Variants in ST14 observed in about 807,000 individuals in gnomAD.
ST14 encodes ST14 transmembrane serine protease matriptase.
ST14 carries 40 observed loss-of-function variants against 96.5 expected under a neutral mutation model. The observed-to-expected ratio is 0.41, with a 90% CI of 0.32 to 0.54. The LOEUF is 0.54. Among genes scored for constraint, ST14 ranks in the 20% least tolerant of loss-of-function variants. The pLI, the probability that ST14 is intolerant of heterozygous loss-of-function variation, is 0.17. For synonymous variants in ST14, 506 were observed against 492.1 expected, an observed-to-expected ratio of 1.03 and a Z score of -0.37; for missense variants, 1,066 against 1,188.9, an observed-to-expected ratio of 0.90 and a Z score of 1.52.
chr11:130,194,880 ATGTGTG>A, intron 9 of ST14, 143 bp downstream of exon 9: 1 of 778,564 alleles, frequency 1.3e-6, no homozygotes, highest in Non-Finnish European at 2.1e-6. Context: ...GTGTGTGCGT[ATGTGTG>A]TGTGTGAGAC....
intron 1 of ST14, among the ~76,000 whole-genome samples, chr11:130,177,548 A>T (rs1192653323): frequency 1.6e-4 from 25 of 152,104 alleles, no homozygotes; most frequent in Non-Finnish European, 5.9e-5. Context: ...GGGCGACAAG[A>T]GCGAAACTCC....
At chr11:130,194,355 G>A (rs893721913) in intron 8 of ST14, 67 bp downstream of exon 8, 49 of 1,602,178 alleles carry the variant, frequency 3.1e-5, no homozygotes, top group Non-Finnish European at 4.1e-5. Context: ...CTTAGTGGGG[G>A]TGACCTGAGC....
In ST14 at chr11:130,194,719, C is replaced by A. The variant is rs763605984; in HGVS notation, c.1095C>A (p.Asp365Glu). ...YYPGHYPPNI[D>E]CTWNIEVPNN... Reference sequence around the variant, plus strand: ...CAGGCCACTACCCACCCAACATTGACTGCACATGGAACATTGAGGTAGGAG... The same window carrying A: ...CAGGCCACTACCCACCCAACATTGAATGCACATGGAACATTGAGGTAGGAG... The change falls in exon 9 of 19, where the codon GAC (aspartate) becomes GAA (glutamate). Residue 365 changes from aspartate (D) to glutamate (E), a missense_variant. By Grantham distance (45) the Asp-to-Glu change is conservative. Coordinates refer to ENST00000278742, the MANE Select transcript of ST14 (RefSeq NM_021978.4). 29 of 1,614,076 alleles carry A rather than the reference C, an allele frequency of 1.8e-5. No individual in the cohort carries two copies. The highest frequency in any genetic ancestry group is 2.3e-5 in the Non-Finnish European group (27 of 1,180,036).
chr11:130,203,638 A>G (rs76011799), intron 16 of ST14, among the ~76,000 whole-genome samples: 9,022 of 151,942 alleles, frequency 0.059, 334 homozygotes, highest in Middle Eastern at 0.095. Context: ...AGGGTTTCCT[A>G]AATGTGCCTT....
In ST14 at chr11:130,159,839, G is replaced by T. The variant is rs1952984678; in HGVS notation, c.-141G>T. 1 of 259,208 alleles carries T rather than the reference G, an allele frequency of 3.9e-6. No individual in the cohort carries two copies. The highest frequency in any genetic ancestry group is 7.0e-6 in the Non-Finnish European group (1 of 143,442). 16.1% of individuals were successfully genotyped at this position (259,208 alleles called of 1,614,324 possible). A position where few individuals can be genotyped will look rare whatever the true frequency, so the allele number is the denominator to read the frequency against. On this transcript the variant is annotated 5_prime_UTR_variant, in exon 1 of 19. Coordinates refer to ENST00000278742, the MANE Select transcript of ST14 (RefSeq NM_021978.4). The stretch of plus-strand genomic sequence containing the variant: ...AGAGGGAGAGAGAGCGCGCCAGGGC[G>T]AGGGCACCGCCGCCGGTCGGGCGCG...
intron 1 of ST14, among the ~76,000 whole-genome samples, chr11:130,180,885 G>A (rs572925289): frequency 2.8e-4 from 42 of 152,262 alleles, no homozygotes; most frequent in Middle Eastern, 3.4e-3. Context: ...TGCATCAGTT[G>A]CTCTAGTGTG....
Position 130,188,353 on chromosome 11 carries a change from C to A in ST14, c.241+80C>A, listed in dbSNP as rs974255900. 3 of 1,581,732 alleles carry A rather than the reference C, an allele frequency of 1.9e-6. No individual in the cohort carries two copies. The African/African-American group carries it at 4.0e-5, about 21-fold the overall frequency. Reference sequence around the variant, plus strand: ...TTCCCTCAGCGGACAGACCCAGGGCCACCTACTGAGTACACGAGGATCTCT... The same window carrying A: ...TTCCCTCAGCGGACAGACCCAGGGCAACCTACTGAGTACACGAGGATCTCT... On this transcript the variant is annotated intron_variant, in intron 2 of 18. Transcript: ENST00000278742. This position sits in a 1 kb window ranked among gnomAD's most constrained non-coding sequence, Gnocchi z 5.4.
intron 8 of ST14, 57 bp from the exon 9 acceptor site, chr11:130,194,583 G>T (rs1017264436): frequency 3.2e-6 from 5 of 1,565,626 alleles, no homozygotes; most frequent in Non-Finnish European, 4.4e-6. Flanking sequence ...GCCCTCGTCC[G>T]CCTGCTCGGC....
intron 1 of ST14, among the ~76,000 whole-genome samples, chr11:130,182,202 G>T (rs1252173912): frequency 6.6e-6 from 1 of 152,232 alleles, no homozygotes; most frequent in Non-Finnish European, 1.5e-5. Context: ...TGAGTCACAG[G>T]ACTGTCATGA....
At chr11:130,178,552 G>T (rs980185114) in intron 1 of ST14, among the ~76,000 whole-genome samples, 3 of 152,166 alleles carry the variant, frequency 2.0e-5, no homozygotes, top group Non-Finnish European at 4.4e-5. Context: ...GCAGAGAACC[G>T]CTGGGTTTCT....
rs531412139 is a variant in ST14 at position 130,209,564 on chromosome 11, G to T, written c.2392G>T (p.Val798Leu). ...MMCVGFLSGG[V>L]DSCQGDSGGP... ...GTGCGTGGGCTTCCTCAGCGGCGGC[G>T]TGGACTCCTGCCAGGTGGCCCCCGG... The change falls in exon 18 of 19, where the codon GTG (valine) becomes TTG (leucine). Residue 798 changes from valine (V) to leucine (L), a missense_variant. By Grantham distance (32) the Val-to-Leu change is conservative. Transcript: ENST00000278742. 3 of 1,575,594 alleles carry T rather than the reference G, an allele frequency of 1.9e-6. No homozygotes were observed. Among genetic ancestry groups the T allele is most frequent in the East Asian group, 2.3e-5 (1 of 42,666 alleles).
intron 16 of ST14, among the ~76,000 whole-genome samples, chr11:130,205,583 C>G (rs1425144622): frequency 2.6e-5 from 4 of 152,080 alleles, no homozygotes; most frequent in Non-Finnish European, 1.5e-5. Flanking sequence ...CGGCCTGTGT[C>G]TCCAAAAACA....
chr11:130,200,707 G>T (rs1331907679), intron 16 of ST14, among the ~76,000 whole-genome samples: 7 of 152,198 alleles, frequency 4.6e-5, no homozygotes, highest in Admixed American at 4.6e-4. Flanking sequence ...TGTATTCGGT[G>T]CCCACTTGCA....
At chr11:130,160,237 C>A (rs1952989038) in intron 1 of ST14, among the ~76,000 whole-genome samples, 177 bp downstream of exon 1, 2 of 151,484 alleles carry the variant, frequency 1.3e-5, no homozygotes, top group East Asian at 2.0e-4. Context: ...GCTGGCCGGA[C>A]CTTTGGTACC....
At chr11:130,200,342 T>C (rs1379199113) in intron 16 of ST14, among the ~76,000 whole-genome samples, 3 of 152,172 alleles carry the variant, frequency 2.0e-5, no homozygotes, top group Admixed American at 2.0e-4. Flanking sequence ...GCAGGCTGTA[T>C]AGGAAGCGTG....
At chr11:130,196,043 C>T (rs1273418023) in intron 9 of ST14, among the ~76,000 whole-genome samples, 1 of 151,788 alleles carries the variant, frequency 6.6e-6, no homozygotes, top group African/African-American at 2.4e-5. Context: ...GACTGTAATC[C>T]CAGCTGCTCA....
intron 16 of ST14, among the ~76,000 whole-genome samples, chr11:130,203,844 G>C (rs959590118): frequency 2.0e-5 from 3 of 152,116 alleles, no homozygotes; most frequent in Non-Finnish European, 2.9e-5. Flanking sequence ...AGTAGAAACG[G>C]GGTTTCACCA....
chr11:130,196,092 G>A (rs1215122541), intron 9 of ST14, among the ~76,000 whole-genome samples: 1 of 152,106 alleles, frequency 6.6e-6, no homozygotes, highest in African/African-American at 2.4e-5. Flanking sequence ...CCCGGGAGGC[G>A]GAGGTTGCGG....
chr11:130,160,071 G>A lies in ST14; in HGVS notation c.81+11G>A. ...AACTCCCGGCACGAGGTGAGCGCGG[G>A]CCGGGGACCCGGGGCGCTGGGAAGC... is the stretch of plus-strand genomic sequence containing the variant. On this transcript the variant is annotated intron_variant, in intron 1 of 18. Transcript: ENST00000278742. 7.0e-7 allele frequency: 1 copy of A among 1,420,522 alleles called. No homozygotes were observed. Among genetic ancestry groups the A allele is most frequent in the Non-Finnish European group, 9.3e-7 (1 of 1,077,816 alleles). 88.0% of individuals were successfully genotyped at this position (1,420,522 alleles called of 1,614,324 possible).
Sources: gnomAD v4.1 joint callset for allele counts (sites outside exome capture counted in the v4.1 genomes callset) on GRCh38, gnomAD v4.1.1 for gene constraint, Gnocchi (gnomAD v3.1) non-coding constraint, MANE v1.5 for transcripts, NCBI Gene and HGNC (gene_info 2026-07-23, HGNC 2026-07-21) for gene names.